COG6: variants seen among roughly 807,000 people sequenced by gnomAD.
COG6 encodes the protein component of oligomeric golgi complex 6.
In COG6, 74 loss-of-function variants were observed where a neutral mutation model predicts 88.8. The ratio of observed to expected loss-of-function variants is 0.83; its 90% CI spans 0.69 to 1.01. COG6 has a LOEUF of 1.01. Among genes scored for constraint, COG6 ranks in the 50% least tolerant of loss-of-function variants. The pLI is 0.00. For missense variants in COG6, 800 were observed against 797.9 expected (o/e 1.00, Z -0.03); for synonymous variants, 286 against 278.7 (o/e 1.03, Z -0.26).
At chr13:39,694,132 T>C (rs1170251369) in intron 11 of COG6, among the ~76,000 whole-genome samples, 1 of 151,898 alleles carries the variant, frequency 6.6e-6, no homozygotes, top group Non-Finnish European at 1.5e-5. Flanking sequence ...GGTAGTCTTA[T>C]AATTTGGCAA....
intron 12 of COG6, 131 bp from the exon 13 acceptor site, chr13:39,699,370 T>C: frequency 1.8e-6 from 1 of 566,338 alleles, no homozygotes; most frequent in Non-Finnish European, 3.2e-6. Context: ...CTAGAGTATT[T>C]TTAATTCACA....
intron 18 of COG6, among the ~76,000 whole-genome samples, chr13:39,780,858 G>A (rs764149920): frequency 1.3e-5 from 2 of 152,194 alleles, no homozygotes; most frequent in Non-Finnish European, 2.9e-5. Context: ...GAAAGGCGAT[G>A]GCTCTCGTTA....
intron 18 of COG6, among the ~76,000 whole-genome samples, chr13:39,774,013 C>T (rs535792131): frequency 1.0e-3 from 154 of 152,004 alleles, no homozygotes; most frequent in African/African-American, 3.2e-3. Flanking sequence ...GTACAGGCTT[C>T]GAAACTGCCC....
At chr13:39,690,460 A>T (rs186757177) in intron 11 of COG6, among the ~76,000 whole-genome samples, 2 of 151,952 alleles carry the variant, frequency 1.3e-5, no homozygotes. Flanking sequence ...TACATAGTTT[A>T]TGACACTAAG....
In COG6 at chr13:39,687,762, A is replaced by G; in HGVS notation, c.972A>G (p.Glu324=). The change falls in exon 10 of 19, where the codon GAA becomes GAG. Residue 324 remains glutamate (E), a synonymous_variant. Coordinates refer to ENST00000455146, the MANE Select transcript of COG6 (RefSeq NM_020751.3). ...WLHQATASEK[E]HLEALLKHVT... is the part of the protein sequence containing the mutation. ...ATCAAGCTACTGCTTCTGAAAAGGA[A>G]CACCTTGAAGCTCTCTTAAAGCATG... The G allele has an allele frequency of 6.2e-7, 1 of 1,614,058 alleles. No individual in the cohort carries two copies. The highest frequency in any genetic ancestry group is 8.5e-7 in the Non-Finnish European group (1 of 1,179,968).
chr13:39,723,038 G>A (rs1878933212), intron 15 of COG6, among the ~76,000 whole-genome samples: 1 of 152,070 alleles, frequency 6.6e-6, no homozygotes, highest in South Asian at 2.1e-4. Context: ...ATTTTATACT[G>A]TTGTTGTTTA....
chr13:39,740,025 C>T (rs989364418), intron 18 of COG6, among the ~76,000 whole-genome samples: 3 of 151,920 alleles, frequency 2.0e-5, no homozygotes, highest in African/African-American at 2.4e-5. Flanking sequence ...AGGATTGTTT[C>T]CTAGAAATAA....
At chr13:39,702,966 CATT>C (rs1156243435) in intron 13 of COG6, among the ~76,000 whole-genome samples, 1 of 152,072 alleles carries the variant, frequency 6.6e-6, no homozygotes, top group East Asian at 1.9e-4. Flanking sequence ...ACTATCTTGC[CATT>C]AGCTTTAAAT....
chr13:39,694,829 C>G (rs1877176791), intron 12 of COG6, 104 bp downstream of exon 12: 1 of 641,036 alleles, frequency 1.6e-6, no homozygotes, highest in South Asian at 1.9e-5. Context: ...TAATTATACA[C>G]TAAGTATAGA....
At chr13:39,788,465 A>G (rs1160153691) in exon 19 of COG6, 1 of 1,072,354 alleles carries the variant, frequency 9.3e-7, no homozygotes, top group African/African-American at 1.6e-5. Flanking sequence ...ATGTGGCCAG[A>G]TGGCTTTGTC....
intron 18 of COG6, among the ~76,000 whole-genome samples, chr13:39,766,931 G>A (rs1881182789): frequency 6.6e-6 from 1 of 152,202 alleles, no homozygotes; most frequent in South Asian, 2.1e-4. Context: ...TGCATTTAAA[G>A]GCAGGTGCTT....
At chr13:39,656,842 T>C in intron 1 of COG6, 1 of 456,054 alleles carries the variant, frequency 2.2e-6, no homozygotes, top group South Asian at 1.5e-5. Flanking sequence ...GGAATCCTGC[T>C]GTTAAGTTTC....
At chr13:39,691,229 A>G (rs1330506190) in intron 11 of COG6, among the ~76,000 whole-genome samples, 3 of 151,902 alleles carry the variant, frequency 2.0e-5, no homozygotes, top group Non-Finnish European at 4.4e-5. Context: ...TCCTGGTTTG[A>G]GTAAGAATTA....
rs888155083 is a variant in COG6, at chr13:39,751,900, T to C, written c.*807T>C. The C allele has an allele frequency of 7.9e-7, 1 of 1,267,458 alleles. No individual in the cohort carries two copies. Among genetic ancestry groups the C allele is most frequent in the African/African-American group, 1.5e-5 (1 of 65,400 alleles). 78.5% of individuals were successfully genotyped at this position (1,267,458 alleles called of 1,614,324 possible). ...CCTGGTGTTTAAAGATGGGTATTTG[T>C]CATACAATATGGGTCCTAAATCCAA... On this transcript the variant is annotated 3_prime_UTR_variant, in exon 19 of 19. Transcript: ENST00000455146.
chr13:39,764,659 CAT>C (rs1347903466), intron 18 of COG6, among the ~76,000 whole-genome samples: 1 of 151,962 alleles, frequency 6.6e-6, no homozygotes, highest in East Asian at 1.9e-4. Flanking sequence ...TATTTTCAAA[CAT>C]ATGAATGTTT....
intron 8 of COG6, 73 bp from the exon 9 acceptor site, chr13:39,687,430 A>G: frequency 7.3e-7 from 1 of 1,379,226 alleles, no homozygotes; most frequent in Non-Finnish European, 1.0e-6. Context: ...GTTGTCTCAG[A>G]AATTGCGTGA....
chr13:39,759,474 T>G (rs1194030612), intron 18 of COG6, among the ~76,000 whole-genome samples: 4 of 152,198 alleles, frequency 2.6e-5, no homozygotes, highest in Non-Finnish European at 5.9e-5. Context: ...ATAATAATAT[T>G]GAATACTTGC....
intron 18 of COG6, among the ~76,000 whole-genome samples, chr13:39,782,362 T>A (rs1881654704): frequency 6.6e-6 from 1 of 152,326 alleles, no homozygotes; most frequent in East Asian, 1.9e-4. Flanking sequence ...CTAAAGCAGA[T>A]GCAGATCTAT....
At chr13:39,758,265 C>T (rs1311811092) in intron 18 of COG6, among the ~76,000 whole-genome samples, 2 of 148,720 alleles carry the variant, frequency 1.3e-5, no homozygotes, top group Non-Finnish European at 3.0e-5. Flanking sequence ...CGCGGTGGCT[C>T]ATGCCTGTGA....
Sources: allele counts gnomAD v4.1 joint callset (sites outside exome capture counted in the v4.1 genomes callset), GRCh38; gene constraint gnomAD v4.1.1; transcripts MANE v1.5; gene names NCBI Gene and HGNC (gene_info 2026-07-23, HGNC 2026-07-21).